STAB2: variants seen among roughly 807,000 people sequenced by gnomAD.
The protein encoded by STAB2 is stabilin 2, also known as stabilin-2.
Under a neutral mutation model 338.1 loss-of-function variants are expected in STAB2, and 288 were observed. The ratio of observed to expected loss-of-function variants is 0.85; its 90% CI spans 0.77 to 0.94. The LOEUF is 0.94. Among genes scored for constraint, STAB2 ranks in the 40% least tolerant of loss-of-function variants. STAB2 has a pLI of 0.00. For synonymous variants in STAB2, 1,202 were observed against 1,193.3 expected (o/e 1.01, Z -0.15); for missense variants, 3,141 against 3,210.1 (o/e 0.98, Z 0.52).
intron 9 of STAB2, among the ~76,000 whole-genome samples, chr12:103,647,342 T>A (rs1483154556): frequency 6.6e-6 from 1 of 151,262 alleles, no homozygotes; most frequent in East Asian, 1.9e-4. Context: ...AAAAAAAGAG[T>A]GCATAGTCTT....
At chr12:103,625,049 G>A (rs1298663229) in intron 5 of STAB2, among the ~76,000 whole-genome samples, 1 of 151,696 alleles carries the variant, frequency 6.6e-6, no homozygotes, top group Non-Finnish European at 1.5e-5. Flanking sequence ...TATAGAAATA[G>A]CATGTCTCCT....
chr12:103,728,903 G>A lies in STAB2; in HGVS notation c.4990G>A (p.Val1664Ile), dbSNP rs1881419651. 1 of 1,613,852 alleles carries A rather than the reference G, an allele frequency of 6.2e-7. No homozygotes were observed. The change falls in exon 48 of 69, where the codon GTC (valine) becomes ATC (isoleucine). Residue 1664 changes from valine to isoleucine, a missense_variant. Physicochemically the swap from Val to Ile is conservative, Grantham distance 29. Coordinates refer to ENST00000388887, the MANE Select transcript of STAB2 (RefSeq NM_017564.10). ...GCCCCAGGTTCTTCGGTACCATGTG[G>A]TCGCCTGCCACCAGCTGCTTCTGGA... ...LMPQVLRYHVVACHQLLLENL... is the reference protein window; with the variant it reads ...LMPQVLRYHVIACHQLLLENL...
intron 52 of STAB2, among the ~76,000 whole-genome samples, chr12:103,736,513 C>T (rs1370478999): frequency 6.6e-6 from 1 of 152,098 alleles, no homozygotes; most frequent in Non-Finnish European, 1.5e-5. Context: ...CCAGTGTGCA[C>T]TCTTGGGATT....
rs1021288995 is a variant in STAB2 at position 103,715,731 on chromosome 12, GC to G, written c.4538-82del. ...GACACCCGCTCCCTTCAGTCAGTTA[GC>G]CATCTTAGCTCATCCCTCAAGCTGG... On this transcript the variant is annotated intron_variant, in intron 42 of 68. Transcript: ENST00000388887. The G allele has an allele frequency of 4.4e-5, 67 of 1,509,170 alleles. No homozygotes were observed. In the African/African-American group the frequency reaches 8.2e-4, roughly 19 times the overall value. 93.5% of individuals were successfully genotyped at this position (1,509,170 alleles called of 1,614,324 possible).
Position 103,758,204 on chromosome 12 carries a change from G to C in STAB2, c.7022G>C (p.Gly2341Ala), listed in dbSNP as rs746568260. ...GCCTATTCCAACAGCTCAGCTCGAG[G>C]CCGTGCATTTCTAGAACACCTGACT... ...VLAYSNSSAR[G>A]RAFLEHLTDL... Residue 2341 changes from glycine (G) to alanine (A), a missense_variant, in exon 64 of 69, where the codon GGC (glycine) becomes GCC (alanine). By Grantham distance (60) the Gly-to-Ala change is moderately conservative. Coordinates refer to ENST00000388887, the MANE Select transcript of STAB2 (RefSeq NM_017564.10). The C allele has an allele frequency of 7.8e-5, 126 of 1,613,992 alleles. 2 individuals carry two copies. The South Asian group carries it at 1.4e-3, about 17-fold the overall frequency.
intron 22 of STAB2, 79 bp downstream of exon 22, chr12:103,670,886 C>T: frequency 8.2e-7 from 1 of 1,213,286 alleles, no homozygotes; most frequent in Non-Finnish European, 1.2e-6. Flanking sequence ...TGGTGCAGGG[C>T]TGGTGTCTCA....
intron 3 of STAB2, among the ~76,000 whole-genome samples, chr12:103,603,145 A>G (rs923933366): frequency 3.3e-5 from 5 of 152,092 alleles, no homozygotes; most frequent in African/African-American, 1.2e-4. Context: ...ATCTCGGCTC[A>G]CTGCAAGCTC....
At chr12:103,593,601 C>T (rs557577921) in intron 2 of STAB2, among the ~76,000 whole-genome samples, 106 of 152,288 alleles carry the variant, frequency 7.0e-4, no homozygotes, top group African/African-American at 2.5e-3. Context: ...CTTGACTGTT[C>T]GTAAAGTATG....
intron 58 of STAB2, 131 bp downstream of exon 58, chr12:103,746,835 A>G: frequency 2.5e-6 from 2 of 794,936 alleles, no homozygotes; most frequent in Non-Finnish European, 2.1e-6. Flanking sequence ...TACCCTCTCT[A>G]TGACTCAGTT....
intron 27 of STAB2, among the ~76,000 whole-genome samples, chr12:103,685,445 T>C (rs1315490370): frequency 6.9e-6 from 1 of 145,742 alleles, no homozygotes; most frequent in Admixed American, 6.8e-5. Context: ...TGTGTGTGTG[T>C]GTGTGTGTGC....
intron 21 of STAB2, 123 bp downstream of exon 21, chr12:103,669,750 A>G: frequency 2.5e-6 from 2 of 801,270 alleles, no homozygotes; most frequent in East Asian, 2.7e-5. Context: ...ACCCCTTACT[A>G]AAAGAACAGC....
At chr12:103,653,650 A>ACAT (rs1565986679) in intron 12 of STAB2, among the ~76,000 whole-genome samples, 3 of 86,190 alleles carry the variant, frequency 3.5e-5, no homozygotes, top group South Asian at 4.2e-4. Context: ...ATACATGGAT[A>ACAT]GGTCACTGGA....
At chr12:103,712,495 A>T in intron 41 of STAB2, 52 bp downstream of exon 41, 1 of 1,399,566 alleles carries the variant, frequency 7.1e-7, no homozygotes, top group Middle Eastern at 2.2e-4. Flanking sequence ...TGCACAGGCT[A>T]TTGAGAGGTT....
At chr12:103,712,547 A>C in intron 41 of STAB2, 104 bp downstream of exon 41, 1 of 838,732 alleles carries the variant, frequency 1.2e-6, no homozygotes, top group African/African-American at 1.7e-5. Context: ...GCTGGTGCCA[A>C]CCACTGATGG....
intron 27 of STAB2, 38 bp from the exon 28 acceptor site, chr12:103,688,130 C>G: frequency 6.3e-7 from 1 of 1,592,588 alleles, no homozygotes; most frequent in Non-Finnish European, 8.6e-7. Flanking sequence ...TGTGTTCTCT[C>G]CCATCTCTTC....
intron 51 of STAB2, 146 bp downstream of exon 51, chr12:103,733,328 GTCC>G (rs1252861124): frequency 1.5e-5 from 14 of 963,530 alleles, no homozygotes; most frequent in Middle Eastern, 4.5e-4. Context: ...GCCCCACTGT[GTCC>G]TCCTCTGACT....
chr12:103,686,765 T>C (rs1398688221), intron 27 of STAB2, among the ~76,000 whole-genome samples: 1 of 152,222 alleles, frequency 6.6e-6, no homozygotes, highest in Non-Finnish European at 1.5e-5. Context: ...AGTGCTGGGA[T>C]GGCAGGCCTG....
intron 56 of STAB2, 65 bp downstream of exon 56, chr12:103,742,619 A>T: frequency 1.2e-6 from 2 of 1,603,212 alleles, no homozygotes; most frequent in Admixed American, 3.4e-5. Flanking sequence ...GTCCTTGTTC[A>T]TGCCATCTGC....
At chr12:103,702,456 G>A (rs1019985225) in intron 34 of STAB2, among the ~76,000 whole-genome samples, 3 of 152,016 alleles carry the variant, frequency 2.0e-5, no homozygotes, top group Admixed American at 6.5e-5. Flanking sequence ...CCGCCACCGC[G>A]CCCGGCTAAT....
Sources: allele counts gnomAD v4.1 joint callset (sites outside exome capture counted in the v4.1 genomes callset), GRCh38; gene constraint gnomAD v4.1.1; transcripts MANE v1.5; gene names NCBI Gene and HGNC (gene_info 2026-07-23, HGNC 2026-07-21).